PIK3CB: variants seen among roughly 807,000 people sequenced by gnomAD.
PIK3CB encodes the protein phosphatidylinositol-4,5-bisphosphate 3-kinase catalytic subunit beta, also known as phosphatidylinositol 4,5-bisphosphate 3-kinase catalytic subunit beta isoform.
Under a neutral mutation model 136.8 loss-of-function variants are expected in PIK3CB, and 39 were observed. The ratio of observed to expected loss-of-function variants is 0.29; its 90% CI spans 0.22 to 0.37. The LOEUF is 0.37. Ranked by LOEUF, PIK3CB falls within the 10% of genes least tolerant of loss-of-function variation. PIK3CB has a pLI of 1.00. For missense variants in PIK3CB, 868 were observed against 1,275.4 expected (o/e 0.68, Z 4.87); for synonymous variants, 428 against 436.6 (o/e 0.98, Z 0.25).
In PIK3CB at chr3:138,681,950, A is replaced by AT. The variant is rs2043791397; in HGVS notation, c.2504+16_2504+17insA. The AT allele has an allele frequency of 3.2e-6, 5 of 1,554,230 alleles. No homozygotes were observed. The highest frequency in any genetic ancestry group is 4.4e-6 in the Non-Finnish European group (5 of 1,146,074). On this transcript the variant is annotated intron_variant, in intron 19 of 23. Coordinates refer to ENST00000674063, the MANE Select transcript of PIK3CB (RefSeq NM_006219.3). ...GGAAGACATTAGACTGAAAAAAAAA[A>AT]AAAGACTAGATCTCACCGAAGATCC...
intron 11 of PIK3CB, among the ~76,000 whole-genome samples, chr3:138,706,782 G>T (rs760693224): frequency 1.3e-5 from 2 of 152,062 alleles, no homozygotes; most frequent in African/African-American, 2.4e-5. Context: ...TCAGCCTCCC[G>T]AGTAGCTGGG....
At position 138,776,712 on chromosome 3, in the gene PIK3CB, A is replaced by T. The variant is rs540114835; in HGVS notation, c.-16-17353T>A. 3.3e-5 allele frequency among the ~76,000 whole-genome samples: 5 copies of T among 151,810 alleles called. No homozygotes were observed. The East Asian group carries it at 9.7e-4, about 29-fold the overall frequency. ...CCCTGTCTCAAAAAACAAACAAACA[A>T]ACAAACAAACAAACAAAACCCCAGC... On this transcript the variant is annotated intron_variant, in intron 2 of 23. Transcript: ENST00000674063.
At chr3:138,799,195 T>C (rs2046142911) in intron 1 of PIK3CB, among the ~76,000 whole-genome samples, 1 of 149,802 alleles carries the variant, frequency 6.7e-6, no homozygotes, top group Non-Finnish European at 1.5e-5. Flanking sequence ...TTTTTTTTTT[T>C]GAGACAGAGT....
chr3:138,722,973 A>G (rs1415751361), intron 8 of PIK3CB, among the ~76,000 whole-genome samples: 4 of 152,110 alleles, frequency 2.6e-5, no homozygotes, highest in Admixed American at 6.6e-5. Flanking sequence ...GTAATTTACC[A>G]TAATTATTAA....
At chr3:138,813,208 C>T (rs557860654) in intron 1 of PIK3CB, among the ~76,000 whole-genome samples, 2 of 152,206 alleles carry the variant, frequency 1.3e-5, no homozygotes, top group African/African-American at 2.4e-5. Context: ...TTTAGGACCA[C>T]ATCAGCTTTT....
rs540662826 is a variant in PIK3CB, at chr3:138,656,519, T to C, written c.2943-245A>G. Among the ~76,000 whole-genome samples, 3 of 152,322 alleles carry C rather than the reference T, an allele frequency of 2.0e-5. No individual in the cohort carries two copies. The East Asian group carries it at 5.8e-4, about 29-fold the overall frequency. ...AAAACAAAACTAAATAGAAATTCTATGACGAAAGGCTATTACATTTTTAAT... is the reference window on the plus strand; with the variant it reads ...AAAACAAAACTAAATAGAAATTCTACGACGAAAGGCTATTACATTTTTAAT... On this transcript the variant is annotated intron_variant, in intron 22 of 23. Coordinates refer to ENST00000674063, the MANE Select transcript of PIK3CB (RefSeq NM_006219.3).
chr3:138,773,746 CT>C (rs1436690735), intron 2 of PIK3CB, among the ~76,000 whole-genome samples: 3 of 152,290 alleles, frequency 2.0e-5, no homozygotes, highest in African/African-American at 4.8e-5. Context: ...GTGTTTACCC[CT>C]AACATCAACA....
At chr3:138,818,729 T>C (rs1340324561) in intron 1 of PIK3CB, among the ~76,000 whole-genome samples, 2 of 152,208 alleles carry the variant, frequency 1.3e-5, no homozygotes, top group African/African-American at 2.4e-5. Flanking sequence ...CCTTCCCATG[T>C]GCTGGACTCA....
chr3:138,665,883 C>T (rs1018943742), intron 19 of PIK3CB, among the ~76,000 whole-genome samples: 14 of 152,108 alleles, frequency 9.2e-5, no homozygotes, highest in African/African-American at 2.9e-4. Flanking sequence ...AAAAGCAATA[C>T]GACATCAATG....
At chr3:138,739,217 GGGCA>G in intron 5 of PIK3CB, among the ~76,000 whole-genome samples, 1 of 152,068 alleles carries the variant, frequency 6.6e-6, no homozygotes, top group African/African-American at 2.4e-5. Flanking sequence ...AGGCCGAGGT[GGGCA>G]GATAATGAGG....
At chr3:138,666,645 C>T (rs1386137469) in intron 19 of PIK3CB, among the ~76,000 whole-genome samples, 2 of 152,072 alleles carry the variant, frequency 1.3e-5, no homozygotes, top group African/African-American at 4.8e-5. Context: ...ATAATAAGAA[C>T]ACCAAAATGG....
chr3:138,739,216 T>C (rs1174203499), intron 5 of PIK3CB, among the ~76,000 whole-genome samples: 1 of 151,674 alleles, frequency 6.6e-6, no homozygotes, highest in African/African-American at 2.4e-5. Context: ...GAGGCCGAGG[T>C]GGGCAGATAA....
At chr3:138,768,328 T>C (rs933631145) in intron 2 of PIK3CB, among the ~76,000 whole-genome samples, 3 of 152,052 alleles carry the variant, frequency 2.0e-5, no homozygotes, top group African/African-American at 7.2e-5. Flanking sequence ...TGTCCTGATG[T>C]CTGCTGCTCT....
At chr3:138,804,970 A>G (rs1374553662) in intron 1 of PIK3CB, among the ~76,000 whole-genome samples, 3 of 151,880 alleles carry the variant, frequency 2.0e-5, no homozygotes, top group Non-Finnish European at 2.9e-5. Context: ...GCTTGCAGTG[A>G]GCTGAGATCG....
At chr3:138,727,603 C>T (rs1429122993) in intron 8 of PIK3CB, among the ~76,000 whole-genome samples, 1 of 152,188 alleles carries the variant, frequency 6.6e-6, no homozygotes, top group Non-Finnish European at 1.5e-5. Context: ...TCTTTCAGAG[C>T]TTTCAAAAAG....
Position 138,824,899 on chromosome 3 carries a change from A to C in PIK3CB, c.-122+9796T>G, listed in dbSNP as rs563629784. On this transcript the variant is annotated intron_variant, in intron 1 of 23. Coordinates refer to ENST00000674063, the MANE Select transcript of PIK3CB (RefSeq NM_006219.3). ...ACTGCCTCTACAAAATACCAAAAAA[A>C]AAAAAAAAAAAAAAAGTTAGCTGGG... 5.3e-5 allele frequency among the ~76,000 whole-genome samples: 8 copies of C among 151,124 alleles called. No individual in the cohort carries two copies. The South Asian group carries it at 1.7e-3, about 32-fold the overall frequency.
At chr3:138,772,980 T>G (rs1276933675) in intron 2 of PIK3CB, among the ~76,000 whole-genome samples, 1 of 151,084 alleles carries the variant, frequency 6.6e-6, no homozygotes, top group African/African-American at 2.4e-5. Context: ...TAGAGATGAG[T>G]TTTTGCCATG....
intron 7 of PIK3CB, 82 bp downstream of exon 7, chr3:138,734,552 A>G (rs1202678152): frequency 9.8e-7 from 1 of 1,020,006 alleles, no homozygotes; most frequent in East Asian, 2.5e-5. Flanking sequence ...GAAGTGAGCA[A>G]AGGAAATATG....
At chr3:138,744,250 C>T (rs944896420) in intron 4 of PIK3CB, among the ~76,000 whole-genome samples, 6 of 151,106 alleles carry the variant, frequency 4.0e-5, no homozygotes, top group Non-Finnish European at 4.4e-5. Flanking sequence ...AAAACATTAG[C>T]CAGGCGTGGT....
Sources: gnomAD v4.1 joint callset for allele counts (sites outside exome capture counted in the v4.1 genomes callset) on GRCh38, gnomAD v4.1.1 for gene constraint, MANE v1.5 for transcripts, NCBI Gene and HGNC (gene_info 2026-07-23, HGNC 2026-07-21) for gene names.